SGCZ: variants seen among roughly 807,000 people sequenced by gnomAD.
SGCZ encodes zeta-sarcoglycan.
A neutral mutation model predicts 41.3 loss-of-function variants in SGCZ; 40 were observed. The observed-to-expected ratio is 0.97, with a 90% CI of 0.75 to 1.26. SGCZ has a LOEUF of 1.26. SGCZ is among the 50% of genes most tolerant of loss of function. The probability of loss-of-function intolerance (pLI) is 0.00; values close to 1 mark genes in which losing one functional copy is unlikely to be tolerated. For synonymous variants in SGCZ, 206 were observed against 137.5 expected (o/e 1.50, Z -3.49); for missense variants, 552 against 369.8 (o/e 1.49, Z -4.04).
At position 15,014,916 on chromosome 8, in the gene SGCZ, C is replaced by T. The variant is rs1254419889; in HGVS notation, c.39+222669G>A. 5.9e-5 allele frequency among the ~76,000 whole-genome samples: 9 copies of T among 152,164 alleles called. No homozygotes were observed. In the South Asian group the frequency reaches 1.0e-3, roughly 17 times the overall value. ...CCAAGCAGCCTTCTGTAAAAACTAC[C>T]GCAAACCTGGTCTTCTCATTAGGGG... On this transcript the variant is annotated intron_variant, in intron 1 of 7. Coordinates refer to ENST00000382080, the MANE Select transcript of SGCZ (RefSeq NM_139167.4).
chr8:14,535,368 A>C (rs1293522075), intron 2 of SGCZ, among the ~76,000 whole-genome samples: 1 of 151,906 alleles, frequency 6.6e-6, no homozygotes, highest in East Asian at 1.9e-4. Flanking sequence ...CTAAAAATGC[A>C]TCTAAGAATA....
intron 5 of SGCZ, among the ~76,000 whole-genome samples, chr8:14,158,253 G>T (rs191498618): frequency 6.6e-6 from 1 of 152,266 alleles, no homozygotes; most frequent in East Asian, 1.9e-4. Flanking sequence ...TCATACTTTA[G>T]ATTCTAGAGA....
intron 4 of SGCZ, among the ~76,000 whole-genome samples, chr8:14,198,279 C>T (rs976145772): frequency 6.6e-6 from 1 of 152,144 alleles, no homozygotes; most frequent in Non-Finnish European, 1.5e-5. Context: ...ATTAGATTAA[C>T]TGTCATGGTA....
At chr8:15,006,668 C>T (rs1802615385) in intron 1 of SGCZ, among the ~76,000 whole-genome samples, 1 of 152,158 alleles carries the variant, frequency 6.6e-6, no homozygotes, top group Admixed American at 6.5e-5. Context: ...ACTGGTACTA[C>T]TGGTAATCCA....
At chr8:14,753,675 G>A (rs375348875) in intron 1 of SGCZ, among the ~76,000 whole-genome samples, 35 of 152,174 alleles carry the variant, frequency 2.3e-4, no homozygotes, top group African/African-American at 5.8e-4. Flanking sequence ...TGTAACATCA[G>A]AATGGTTGTA....
At chr8:14,966,925 G>A (rs182554934) in intron 1 of SGCZ, among the ~76,000 whole-genome samples, 2 of 152,158 alleles carry the variant, frequency 1.3e-5, no homozygotes, top group Non-Finnish European at 2.9e-5. Flanking sequence ...TTTGGGGAGG[G>A]GAGGTACAGA....
chr8:14,341,478 G>A (rs1308943265), intron 2 of SGCZ, among the ~76,000 whole-genome samples: 3 of 152,132 alleles, frequency 2.0e-5, no homozygotes, highest in African/African-American at 4.8e-5. Flanking sequence ...CCTAATGGGT[G>A]TGAAGTGGGG....
In SGCZ at chr8:14,090,228, G is replaced by A; in HGVS notation, c.*215C>T. The A allele has an allele frequency of 2.5e-6, 1 of 404,052 alleles. No individual in the cohort carries two copies. Among genetic ancestry groups the A allele is most frequent in the Non-Finnish European group, 4.3e-6 (1 of 231,190 alleles). The allele number at this position is 404,052 out of a possible 1,614,324, so 25.0% of individuals were successfully genotyped here. A position where few individuals can be genotyped will look rare whatever the true frequency, so the allele number is the denominator to read the frequency against. On this transcript the variant is annotated 3_prime_UTR_variant, in exon 8 of 8. Transcript: ENST00000382080. The stretch of plus-strand genomic sequence containing the variant: ...GTCATGATCCAGTTTTCCTGCTGAC[G>A]ACGCTTTTTCCACTGCTGTGTCAAT...
At chr8:14,418,543 T>G (rs1419091544) in intron 2 of SGCZ, among the ~76,000 whole-genome samples, 2 of 152,080 alleles carry the variant, frequency 1.3e-5, no homozygotes, top group East Asian at 3.9e-4. Context: ...TAAAATGGTT[T>G]GTCTCATTGT....
intron 1 of SGCZ, among the ~76,000 whole-genome samples, chr8:15,209,706 A>C (rs1449947320): frequency 6.6e-6 from 1 of 152,158 alleles, no homozygotes; most frequent in Non-Finnish European, 1.5e-5. Context: ...GCAAACTCAC[A>C]TATTTCAAGT....
chr8:14,925,282 A>G (rs1216397779), intron 1 of SGCZ, among the ~76,000 whole-genome samples: 3 of 152,220 alleles, frequency 2.0e-5, no homozygotes, highest in Non-Finnish European at 4.4e-5. Flanking sequence ...TCTTTTGAGT[A>G]GACTATTATT....
intron 2 of SGCZ, among the ~76,000 whole-genome samples, chr8:14,425,862 A>G (rs1024178050): frequency 6.6e-6 from 1 of 152,160 alleles, no homozygotes; most frequent in Non-Finnish European, 1.5e-5. Context: ...ACAAAACTAA[A>G]AAAGATATTA....
chr8:14,867,427 C>G (rs1803972073), intron 1 of SGCZ, among the ~76,000 whole-genome samples: 1 of 152,042 alleles, frequency 6.6e-6, no homozygotes, highest in Non-Finnish European at 1.5e-5. Context: ...ATGCATGTAT[C>G]TTTATAATAG....
intron 2 of SGCZ, among the ~76,000 whole-genome samples, chr8:14,379,592 A>G (rs1162687664): frequency 6.6e-6 from 1 of 152,180 alleles, no homozygotes; most frequent in Non-Finnish European, 1.5e-5. Context: ...AAATATCAAT[A>G]GACTATTTTT....
In SGCZ at chr8:14,543,048, C is replaced by A. The variant is rs189744791; in HGVS notation, c.234+11684G>T. On this transcript the variant is annotated intron_variant, in intron 2 of 7. Transcript: ENST00000382080. Reference sequence around the variant, plus strand: ...GCTATTACACTCTGTGTTATATTGACTGGTTTTACTTTAATCTGTCTGTTC... The same window carrying A: ...GCTATTACACTCTGTGTTATATTGAATGGTTTTACTTTAATCTGTCTGTTC... Among the ~76,000 whole-genome samples, 376 of 151,956 alleles carry A rather than the reference C, an allele frequency of 2.5e-3. 1 individual carries two copies. The highest frequency in any genetic ancestry group is 3.4e-3 in the Non-Finnish European group (229 of 67,924).
chr8:14,808,233 G>A (rs552777761), intron 1 of SGCZ, among the ~76,000 whole-genome samples: 98 of 152,254 alleles, frequency 6.4e-4, no homozygotes, highest in African/African-American at 2.3e-3. Flanking sequence ...TGACAAATGG[G>A]ATCTAAGTAA....
chr8:14,088,339 A>C lies in SGCZ; in HGVS notation c.*2104T>G, dbSNP rs895998803. On this transcript the variant is annotated 3_prime_UTR_variant, in exon 8 of 8. Coordinates refer to ENST00000382080, the MANE Select transcript of SGCZ (RefSeq NM_139167.4). ...AGATTAGAAACAGGGCCAGTTCCTA[A>C]TCAAAAGAATTATTCCCATTTGACT... Among the ~76,000 whole-genome samples the C allele has an allele frequency of 1.3e-5, 2 of 151,838 alleles. No individual in the cohort carries two copies. The highest frequency in any genetic ancestry group is 2.9e-5 in the Non-Finnish European group (2 of 67,852).
At chr8:14,890,313 A>G (rs903612287) in intron 1 of SGCZ, among the ~76,000 whole-genome samples, 2 of 152,154 alleles carry the variant, frequency 1.3e-5, no homozygotes. Flanking sequence ...AAGAAAAGAA[A>G]AAGTTCTTGA....
chr8:14,332,210 C>A (rs567035684), intron 2 of SGCZ, among the ~76,000 whole-genome samples: 2 of 151,920 alleles, frequency 1.3e-5, no homozygotes, highest in Non-Finnish European at 2.9e-5. Flanking sequence ...CCGAAGCGGG[C>A]GGATCACGAG....
Sources: gnomAD v4.1 joint callset for allele counts (sites outside exome capture counted in the v4.1 genomes callset) on GRCh38, gnomAD v4.1.1 for gene constraint, MANE v1.5 for transcripts, NCBI Gene and HGNC (gene_info 2026-07-23, HGNC 2026-07-21) for gene names.